MCCC1: variants seen among roughly 807,000 people sequenced by gnomAD.
The protein encoded by MCCC1 is methylcrotonoyl-CoA carboxylase subunit alpha, mitochondrial.
MCCC1 carries 64 observed loss-of-function variants against 83.8 expected under a neutral mutation model. The ratio of observed to expected loss-of-function variants is 0.76; its 90% CI spans 0.62 to 0.94. The LOEUF (loss-of-function observed/expected upper bound fraction) is 0.94, where lower values mean the gene tolerates loss of function less well. Ranked by LOEUF, MCCC1 falls within the 40% of genes least tolerant of loss-of-function variation. The probability of loss-of-function intolerance (pLI) is 0.00; values close to 1 mark genes in which losing one functional copy is unlikely to be tolerated. For missense variants in MCCC1, 807 were observed against 904.7 expected, an observed-to-expected ratio of 0.89 and a Z score of 1.39; for synonymous variants, 322 against 315.4, an observed-to-expected ratio of 1.02 and a Z score of -0.22.
At chr3:183,020,277 T>C (rs986951124) in intron 16 of MCCC1, 40 bp from the exon 17 acceptor site, 50 of 1,452,598 alleles carry the variant, frequency 3.4e-5, no homozygotes, top group Middle Eastern at 3.5e-4. Flanking sequence ...ATCAACATCC[T>C]ATCACTATAT....
chr3:183,112,896 G>T (rs1719522678), intron 1 of MCCC1, among the ~76,000 whole-genome samples: 1 of 151,218 alleles, frequency 6.6e-6, no homozygotes, highest in Non-Finnish European at 1.5e-5. Flanking sequence ...AATGTAGTGA[G>T]ACCCCCATCT....
intron 14 of MCCC1, 88 bp downstream of exon 14, chr3:183,033,903 G>T: frequency 3.0e-6 from 3 of 1,014,114 alleles, no homozygotes; most frequent in South Asian, 1.3e-5. Flanking sequence ...GTAACTGACT[G>T]ATCATGGCCA....
chr3:183,029,593 T>C (rs2108452766), intron 14 of MCCC1, among the ~76,000 whole-genome samples: 2 of 152,350 alleles, frequency 1.3e-5, no homozygotes, highest in Admixed American at 1.3e-4. Flanking sequence ...TAGCAGAGAA[T>C]AGCTTGCAAA....
At chr3:183,042,118 A>T (rs1049466608) in intron 10 of MCCC1, among the ~76,000 whole-genome samples, 5 of 152,066 alleles carry the variant, frequency 3.3e-5, no homozygotes, top group South Asian at 2.1e-4. Flanking sequence ...TCCCAAATCA[A>T]TTTTTTTTAA....
In MCCC1 at chr3:183,064,479, G is replaced by C. The variant is rs966746572; in HGVS notation, c.761+6520C>G. Reference sequence around the variant, plus strand: ...TGGGCACCCAGGAAGCTCCGTAAAGGCTTCTGGGACGGGCAGAAGCCCCGC... The same window carrying C: ...TGGGCACCCAGGAAGCTCCGTAAAGCCTTCTGGGACGGGCAGAAGCCCCGC... On this transcript the variant is annotated intron_variant, in intron 7 of 18. Coordinates refer to ENST00000265594, the MANE Select transcript of MCCC1 (RefSeq NM_020166.5). The surrounding 1 kb of genome is among the most constrained non-coding windows in gnomAD (Gnocchi z 4.5). Among the ~76,000 whole-genome samples, 2 of 152,162 alleles carry C rather than the reference G, an allele frequency of 1.3e-5. No individual in the cohort carries two copies. Among genetic ancestry groups the C allele is most frequent in the Non-Finnish European group, 2.9e-5 (2 of 68,012 alleles).
intron 7 of MCCC1, among the ~76,000 whole-genome samples, chr3:183,061,383 G>A (rs533280610): frequency 2.0e-5 from 3 of 152,288 alleles, no homozygotes; most frequent in Admixed American, 2.0e-4. Context: ...CTGTTAGGGA[G>A]AATAGAATGC....
At chr3:183,022,128 A>T (rs937295981) in intron 16 of MCCC1, among the ~76,000 whole-genome samples, 2 of 152,232 alleles carry the variant, frequency 1.3e-5, no homozygotes, top group African/African-American at 4.8e-5. Flanking sequence ...CCCACTGAGC[A>T]GGGAGATATG....
At chr3:183,091,935 C>CGTCGAGGCAGGAGA (rs1250708546) in intron 3 of MCCC1, among the ~76,000 whole-genome samples, 16 of 152,020 alleles carry the variant, frequency 1.1e-4, no homozygotes, top group African/African-American at 3.9e-4. Flanking sequence ...CTACTCTAGA[C>CGTCGAGGCAGGAGA]GTCGAGGCAG....
rs1264832914 is a variant in MCCC1, at chr3:183,020,299, T to A, written c.1870-62A>T. 3.0e-5 allele frequency: 38 copies of A among 1,246,932 alleles called. No individual in the cohort carries two copies. In the Admixed American group the frequency reaches 4.4e-4, roughly 14 times the overall value. 77.2% of individuals were successfully genotyped at this position (1,246,932 alleles called of 1,614,324 possible). ...TCCTATCACTATATTTTTACTAATA[T>A]ACCTGAGGTAATAATTGTTTCCCAG... On this transcript the variant is annotated intron_variant, in intron 16 of 18. Transcript: ENST00000265594.
intron 12 of MCCC1, 29 bp downstream of exon 12, chr3:183,038,996 AG>A: frequency 5.0e-6 from 8 of 1,588,844 alleles, no homozygotes; most frequent in Admixed American, 1.7e-5. Flanking sequence ...AAACACATCA[AG>A]GTCACTGGCA....
At chr3:183,055,160 T>C (rs1715313572) in intron 8 of MCCC1, among the ~76,000 whole-genome samples, 1 of 151,962 alleles carries the variant, frequency 6.6e-6, no homozygotes, top group Non-Finnish European at 1.5e-5. Context: ...TCCCAGCACT[T>C]TGGGAGGCTG....
intron 1 of MCCC1, among the ~76,000 whole-genome samples, chr3:183,104,622 C>T (rs1465000729): frequency 6.6e-6 from 1 of 151,728 alleles, no homozygotes; most frequent in African/African-American, 2.4e-5. Flanking sequence ...AACTATAAAC[C>T]GATAAGAAAA....
At chr3:183,094,364 G>C (rs1176578526) in intron 2 of MCCC1, among the ~76,000 whole-genome samples, 195 bp downstream of exon 2, 1 of 152,024 alleles carries the variant, frequency 6.6e-6, no homozygotes, top group Non-Finnish European at 1.5e-5. Context: ...CTGTATTTTA[G>C]ACTTAACAGC....
rs969537507 is a variant in MCCC1 at position 183,092,418 on chromosome 3, A to G, written c.264T>C (p.His88=). 4 of 1,614,190 alleles carry G rather than the reference A, an allele frequency of 2.5e-6. No individual in the cohort carries two copies. The highest frequency in any genetic ancestry group is 3.4e-6 in the Non-Finnish European group (4 of 1,180,026). ...AATTTTTAACACATACCATATCTAC[A>G]TGCATGGAATTTCTGTCAGCCTCAC... ...VYSEADRNSM[H]VDMADEAYSI... Residue 88 remains histidine, a synonymous_variant, in exon 3 of 19, where the codon CAT becomes CAC. Transcript: ENST00000265594.
chr3:183,049,711 T>C (rs747211027), intron 9 of MCCC1, among the ~76,000 whole-genome samples: 19 of 152,174 alleles, frequency 1.2e-4, no homozygotes, highest in Non-Finnish European at 2.2e-4. Flanking sequence ...CCCATGGACA[T>C]TAAAATGATA....
chr3:183,041,785 C>T (rs768625642), intron 10 of MCCC1, 35 bp from the exon 11 acceptor site: 254 of 1,609,908 alleles, frequency 1.6e-4, no homozygotes, highest in Non-Finnish European at 2.0e-4. Context: ...TGAAATCTAC[C>T]GTATAGCGGC....
rs562824403 is a variant in MCCC1, at chr3:183,061,319, T to A, written c.762-3897A>T. ...GGGGGTTGTGGTTGGCTAACTACCT[T>A]CCCCCTGAACAAAAAAGGTTCTGGC... On this transcript the variant is annotated intron_variant, in intron 7 of 18. Transcript: ENST00000265594. 1.4e-4 allele frequency among the ~76,000 whole-genome samples: 22 copies of A among 152,254 alleles called. 1 individual carries two copies. The highest frequency in any genetic ancestry group is 5.3e-4 in the African/African-American group (22 of 41,564).
At chr3:183,053,814 A>AC (rs1365197742) in intron 8 of MCCC1, among the ~76,000 whole-genome samples, 1 of 145,940 alleles carries the variant, frequency 6.9e-6, no homozygotes, top group African/African-American at 2.6e-5. Flanking sequence ...CAAAAAAAAA[A>AC]CAAAAAAAAA....
At chr3:183,043,969 A>G (rs992786729) in intron 10 of MCCC1, among the ~76,000 whole-genome samples, 3 of 152,136 alleles carry the variant, frequency 2.0e-5, no homozygotes, top group Non-Finnish European at 4.4e-5. Flanking sequence ...ACTCACTAAA[A>G]CTTACCAGCT....
Sources: gnomAD v4.1 joint callset for allele counts (sites outside exome capture counted in the v4.1 genomes callset) on GRCh38, gnomAD v4.1.1 for gene constraint, Gnocchi (gnomAD v3.1) non-coding constraint, MANE v1.5 for transcripts, NCBI Gene and HGNC (gene_info 2026-07-23, HGNC 2026-07-21) for gene names.